NPR2: variants seen among roughly 807,000 people sequenced by gnomAD.
NPR2 encodes the protein atrial natriuretic peptide receptor 2.
In NPR2, 49 loss-of-function variants were observed where a neutral mutation model predicts 120.7. The ratio of observed to expected loss-of-function variants is 0.41; its 90% CI spans 0.32 to 0.52. NPR2 has a LOEUF of 0.52. Among genes scored for constraint, NPR2 ranks in the 20% least tolerant of loss-of-function variants. The pLI, the probability that NPR2 is intolerant of heterozygous loss-of-function variation, is 0.36. For missense variants in NPR2, 931 were observed against 1,362.9 expected, an observed-to-expected ratio of 0.68 and a Z score of 4.99; for synonymous variants, 484 against 519.8, an observed-to-expected ratio of 0.93 and a Z score of 0.94.
At position 35,799,659 on chromosome 9, in the gene NPR2, G is replaced by A. The variant is rs773637376; in HGVS notation, c.915G>A (p.Glu305=). The A allele has an allele frequency of 4.0e-5, 64 of 1,613,930 alleles. 1 individual carries two copies. In the South Asian group the frequency reaches 6.7e-4, roughly 17 times the overall value. ...CGTACCGAGAACCCCCAAATCCTGA[G>A]TATCAGGAATTCCAGAATCGTCTGC... is the stretch of plus-strand genomic sequence containing the variant. ...VITYREPPNP[E]YQEFQNRLLI... Residue 305 remains glutamate (E), a synonymous_variant, in exon 3 of 22, where the codon GAG becomes GAA. Transcript: ENST00000342694.
rs117276699 is a variant in NPR2 at position 35,798,948 on chromosome 9, A to G, written c.874-670A>G. Among the ~76,000 whole-genome samples the G allele has an allele frequency of 1.2e-4, 19 of 152,332 alleles. No individual in the cohort carries two copies. The East Asian group carries it at 1.9e-3, about 15-fold the overall frequency. On this transcript the variant is annotated intron_variant, in intron 2 of 21. Coordinates refer to ENST00000342694, the MANE Select transcript of NPR2 (RefSeq NM_003995.4). The stretch of plus-strand genomic sequence containing the variant: ...GTGTGTTTGTCCCTGTGACACATCT[A>G]TTACTCAGTAAGCAGGACAGTGCTG...
Position 35,805,201 on chromosome 9 carries a change from C to G in NPR2, c.1888-310C>G, listed in dbSNP as rs1828320339. Among the ~76,000 whole-genome samples, 1 of 152,200 alleles carries G rather than the reference C, an allele frequency of 6.6e-6. No individual in the cohort carries two copies. The highest frequency in any genetic ancestry group is 6.5e-5 in the Admixed American group (1 of 15,284). ...TTGGTCTTCACCCAAGTTCTGTTCT[C>G]TTCACTAATCAAGAAGATTGACTGC... On this transcript the variant is annotated intron_variant, in intron 12 of 21. Transcript: ENST00000342694. The surrounding 1 kb of genome is among the most constrained non-coding windows in gnomAD (Gnocchi z 4.9).
At chr9:35,801,519 C>A in intron 7 of NPR2, 124 bp from the exon 8 acceptor site, 3 of 1,007,160 alleles carry the variant, frequency 3.0e-6, no homozygotes, top group Non-Finnish European at 4.7e-6. Context: ...TATCTTCCAG[C>A]CCTGTCTCTC....
chr9:35,809,122 C>A lies in NPR2; in HGVS notation c.2987-34C>A. Reference sequence around the variant, plus strand: ...TTTGATTGCCTTTTCTTTGATTCCTCATTCCACCATCCTCCCCATTCCACC... The same window carrying A: ...TTTGATTGCCTTTTCTTTGATTCCTAATTCCACCATCCTCCCCATTCCACC... On this transcript the variant is annotated intron_variant, in intron 20 of 21. Coordinates refer to ENST00000342694, the MANE Select transcript of NPR2 (RefSeq NM_003995.4). The surrounding 1 kb of genome is among the most constrained non-coding windows in gnomAD (Gnocchi z 4.1). 1 of 1,565,490 alleles carries A rather than the reference C, an allele frequency of 6.4e-7. No homozygotes were observed. The highest frequency in any genetic ancestry group is 8.8e-7 in the Non-Finnish European group (1 of 1,136,014).
Position 35,792,727 on chromosome 9 carries a change from T to A in NPR2, c.319T>A (p.Ser107Thr), listed in dbSNP as rs1827825082. The A allele has an allele frequency of 6.2e-7, 1 of 1,614,030 alleles. No homozygotes were observed. Among genetic ancestry groups the A allele is most frequent in the African/African-American group, 1.3e-5 (1 of 74,930 alleles). ...TCCCGGTTGCGTGTACCCTGCTGCCTCTGTGGCCCGCTTTGCCTCCCACTG... is the reference window on the plus strand; with the variant it reads ...TCCCGGTTGCGTGTACCCTGCTGCCACTGTGGCCCGCTTTGCCTCCCACTG... ...LGPGCVYPAA[S>T]VARFASHWRL... The change falls in exon 1 of 22, where the codon TCT becomes ACT. Residue 107 changes from serine to threonine, a missense_variant. Physicochemically the swap from Ser to Thr is moderately conservative, Grantham distance 58. This residue lies in a region of NPR2 where 681 missense variants were observed against 974.3 expected (regional missense o/e 0.70). Transcript: ENST00000342694.
intron 2 of NPR2, 70 bp from the exon 3 acceptor site, chr9:35,799,548 C>A: frequency 8.9e-7 from 1 of 1,129,218 alleles, no homozygotes; most frequent in Non-Finnish European, 1.4e-6. Flanking sequence ...GTTTCCCTGT[C>A]CTGCATCTTC....
At chr9:35,799,417 A>AACACAC (rs10603903) in intron 2 of NPR2, among the ~76,000 whole-genome samples, 45 of 147,544 alleles carry the variant, frequency 3.0e-4, no homozygotes, top group African/African-American at 9.4e-4. Flanking sequence ...TATGCAACAC[A>AACACAC]ACACACACAC....
rs1256016047 is a variant in NPR2, at chr9:35,792,320, C to A, written c.-89C>A. The A allele has an allele frequency of 6.4e-6, 9 of 1,413,222 alleles. No individual in the cohort carries two copies. Among genetic ancestry groups the A allele is most frequent in the East Asian group, 2.4e-5 (1 of 40,990 alleles). The allele number at this position is 1,413,222 out of a possible 1,614,324, so 87.5% of individuals were successfully genotyped here. On this transcript the variant is annotated 5_prime_UTR_variant, in exon 1 of 22. Transcript: ENST00000342694. ...TCCTCCTCTTCCTGGCCCTCTTCCCCAGGCTCCAGGCTGGGGGGTGCTCGC... is the reference window on the plus strand; with the variant it reads ...TCCTCCTCTTCCTGGCCCTCTTCCCAAGGCTCCAGGCTGGGGGGTGCTCGC...
chr9:35,808,486 C>CT lies in NPR2; in HGVS notation c.2713-19dup, dbSNP rs1179857323. ...CCCCATGGATATAAATAGAGGTGAC[C>CT]TTTTAATCCCCCTCTCAATCAGGTG... On this transcript the variant is annotated intron_variant, in intron 18 of 21. Coordinates refer to ENST00000342694, the MANE Select transcript of NPR2 (RefSeq NM_003995.4). The surrounding 1 kb of genome is among the most constrained non-coding windows in gnomAD (Gnocchi z 4.0). The CT allele has an allele frequency of 6.2e-7, 1 of 1,612,402 alleles. No individual in the cohort carries two copies. The highest frequency in any genetic ancestry group is 8.5e-7 in the Non-Finnish European group (1 of 1,178,768).
In NPR2 at chr9:35,792,350, C is replaced by T. The variant is rs1366754108; in HGVS notation, c.-59C>T. On this transcript the variant is annotated 5_prime_UTR_variant, in exon 1 of 22. Transcript: ENST00000342694. The stretch of plus-strand genomic sequence containing the variant: ...TCCAGGCTGGGGGGTGCTCGCGTCT[C>T]CCCTGTAGGCCAGAGCAGCCCCAAG... 2.6e-6 allele frequency: 4 copies of T among 1,565,524 alleles called. No individual in the cohort carries two copies. The highest frequency in any genetic ancestry group is 2.6e-6 in the Non-Finnish European group (3 of 1,155,976).
chr9:35,806,132 G>A lies in NPR2; in HGVS notation c.2271G>A (p.Leu757=). The A allele has an allele frequency of 6.2e-7, 1 of 1,614,208 alleles. No individual in the cohort carries two copies. The highest frequency in any genetic ancestry group is 8.5e-7 in the Non-Finnish European group (1 of 1,180,044). ...YFRPSIDRTQ[L]NEELVLLMER... ...GGCCAAGCATTGACCGGACCCAACT[G>A]AATGAAGAGCTAGTTTTGCTGATGG... The change falls in exon 15 of 22, where the codon CTG becomes CTA. Residue 757 remains leucine (L), a synonymous_variant. Coordinates refer to ENST00000342694, the MANE Select transcript of NPR2 (RefSeq NM_003995.4). The surrounding 1 kb of genome is among the most constrained non-coding windows in gnomAD (Gnocchi z 4.6).
At chr9:35,799,306 G>A (rs1828049433) in intron 2 of NPR2, among the ~76,000 whole-genome samples, 1 of 151,966 alleles carries the variant, frequency 6.6e-6, no homozygotes, top group South Asian at 2.1e-4. Flanking sequence ...ATGTTGGGCT[G>A]GGCTTTGGGG....
In NPR2 at chr9:35,806,315, C is replaced by CTAGTGCATGA. The variant is rs1381589766; in HGVS notation, c.2373-77_2373-76insTAGTGCATGA. The CTAGTGCATGA allele has an allele frequency of 2.5e-6, 4 of 1,608,652 alleles. No homozygotes were observed. The highest frequency in any genetic ancestry group is 3.4e-6 in the Non-Finnish European group (4 of 1,175,402). ...GTGCATGAAGTGGGGCAGGTGGGAC[C>CTAGTGCATGA]AGAGGGTGGGTTGGATAGGAAGTCC... On this transcript the variant is annotated intron_variant, in intron 15 of 21. Transcript: ENST00000342694. The surrounding 1 kb of genome is among the most constrained non-coding windows in gnomAD (Gnocchi z 4.6).
Position 35,802,802 on chromosome 9 carries a change from A to G in NPR2, c.1886A>G (p.Lys629Arg). ...FRYSLINDLV[K>R]GMAFLHNSII... ...TATTCACTCATTAATGACCTTGTTA[A>G]GGTGAGTCTTCCCCACTCCTTAAAA... is the stretch of plus-strand genomic sequence containing the variant. Residue 629 changes from lysine (K) to arginine (R), a missense_variant and splice_region_variant, in exon 12 of 22, where the codon AAG becomes AGG. By Grantham distance (26) the Lys-to-Arg change is conservative (BLOSUM62 2). Around this residue, in one of 3 missense-constraint regions of NPR2, gnomAD observed 681 missense variants for 974.3 expected, o/e 0.70. Transcript: ENST00000342694. The surrounding 1 kb of genome is among the most constrained non-coding windows in gnomAD (Gnocchi z 4.2). The G allele has an allele frequency of 6.2e-7, 1 of 1,600,018 alleles. No individual in the cohort carries two copies. Among genetic ancestry groups the G allele is most frequent in the Non-Finnish European group, 8.6e-7 (1 of 1,167,294 alleles).
rs1447414752 is a variant in NPR2, at chr9:35,800,127, G to C, written c.1093G>C (p.Val365Leu). Residue 365 changes from valine to leucine, a missense_variant, in exon 4 of 22, where the codon GTG (valine) becomes CTG (leucine). Around this residue, in one of 3 missense-constraint regions of NPR2, gnomAD observed 681 missense variants for 974.3 expected, o/e 0.70. Transcript: ENST00000342694. The surrounding 1 kb of genome is among the most constrained non-coding windows in gnomAD (Gnocchi z 4.7). ...CACCCGGGAGGATGGACTTCGAATT[G>C]TGGAAAAGATGCAGGGACGAAGATA... ...GGTREDGLRIVEKMQGRRYHG... is the reference protein window; with the variant it reads ...GGTREDGLRILEKMQGRRYHG... 2 of 1,613,942 alleles carry C rather than the reference G, an allele frequency of 1.2e-6. No individual in the cohort carries two copies. Among genetic ancestry groups the C allele is most frequent in the Admixed American group, 1.7e-5 (1 of 60,010 alleles).
At position 35,800,064 on chromosome 9, in the gene NPR2, T is replaced by C. The variant is rs1049474634; in HGVS notation, c.1030T>C (p.Tyr344His). ...CTGCTTCTATGATGGGATCCTGCTA[T>C]ATGCTGAAGTCCTGAATGAGACAAT... ...AGCFYDGILL[Y>H]AEVLNETIQE... Residue 344 changes from tyrosine to histidine, a missense_variant, in exon 4 of 22, where the codon TAT (tyrosine) becomes CAT (histidine). Tyr to His is a moderately conservative substitution (Grantham distance 83, BLOSUM62 2). Coordinates refer to ENST00000342694, the MANE Select transcript of NPR2 (RefSeq NM_003995.4). The surrounding 1 kb of genome is among the most constrained non-coding windows in gnomAD (Gnocchi z 4.7). 3 of 1,613,972 alleles carry C rather than the reference T, an allele frequency of 1.9e-6. No homozygotes were observed. The highest frequency in any genetic ancestry group is 1.7e-6 in the Non-Finnish European group (2 of 1,180,018).
intron 7 of NPR2, 149 bp downstream of exon 7, chr9:35,801,303 T>TA: frequency 1.4e-6 from 1 of 730,686 alleles, no homozygotes; most frequent in African/African-American, 1.8e-5. Context: ...TCTTCCTCTC[T>TA]AGCCTTTCTC....
intron 2 of NPR2, among the ~76,000 whole-genome samples, chr9:35,798,738 TGAGGCAGGG>T (rs1828025237): frequency 6.6e-6 from 1 of 152,194 alleles, no homozygotes. Flanking sequence ...CTATGTGGCC[TGAGGCAGGG>T]CCTGAGACTG....
chr9:35,808,319 A>G lies in NPR2; in HGVS notation c.2713-190A>G. Reference sequence around the variant, plus strand: ...TATTCACCAGGTGCTGGGTGGAGAAAGAAGACTTAAAGATTCCCTAGACAT... The same window carrying G: ...TATTCACCAGGTGCTGGGTGGAGAAGGAAGACTTAAAGATTCCCTAGACAT... On this transcript the variant is annotated intron_variant, in intron 18 of 21. Coordinates refer to ENST00000342694, the MANE Select transcript of NPR2 (RefSeq NM_003995.4). This position sits in a 1 kb window ranked among gnomAD's most constrained non-coding sequence, Gnocchi z 4.0. 6.3e-7 allele frequency: 1 copy of G among 1,585,814 alleles called. No individual in the cohort carries two copies. The highest frequency in any genetic ancestry group is 8.7e-7 in the Non-Finnish European group (1 of 1,154,296).
Sources: allele counts gnomAD v4.1 joint callset (sites outside exome capture counted in the v4.1 genomes callset), GRCh38; gene constraint gnomAD v4.1.1; regional missense constraint gnomAD v4.1.1; non-coding constraint Gnocchi (gnomAD v3.1); transcripts MANE v1.5; gene names NCBI Gene and HGNC (gene_info 2026-07-23, HGNC 2026-07-21).